The following NCKAP5 variants were observed in gnomAD, a reference collection of about 807,000 sequenced individuals.
NCKAP5 encodes the protein nck-associated protein 5.
A neutral mutation model predicts 167.0 loss-of-function variants in NCKAP5; 92 were observed. The ratio of observed to expected loss-of-function variants is 0.55; its 90% CI spans 0.47 to 0.66. The LOEUF (loss-of-function observed/expected upper bound fraction) is 0.66, where lower values mean the gene tolerates loss of function less well. Ranked by LOEUF, NCKAP5 falls within the 30% of genes least tolerant of loss-of-function variation. The pLI is 0.00. For synonymous variants in NCKAP5, 891 were observed against 877.4 expected (o/e 1.02, Z -0.27); for missense variants, 2,378 against 2,315.0 (o/e 1.03, Z -0.56).
intron 2 of NCKAP5, among the ~76,000 whole-genome samples, chr2:133,544,726 G>T (rs1323171458): frequency 1.3e-5 from 2 of 152,146 alleles, no homozygotes; most frequent in Non-Finnish European, 2.9e-5. Flanking sequence ...ATAGCTAAAG[G>T]TGCCCTTTCC....
chr2:133,478,361 G>A lies in NCKAP5; in HGVS notation c.69+39097C>T, dbSNP rs75570373. 5.9e-5 allele frequency among the ~76,000 whole-genome samples: 9 copies of A among 152,236 alleles called. No individual in the cohort carries two copies. In the East Asian group the frequency reaches 1.7e-3, roughly 29 times the overall value. On this transcript the variant is annotated intron_variant, in intron 3 of 19. Coordinates refer to ENST00000409261, the MANE Select transcript of NCKAP5 (RefSeq NM_207363.3). ...GAACTTCTTAAGGGCAATGATCTTT[G>A]TTTTCTTTGAAACTTCTTCCAACAG...
chr2:133,102,582 A>T (rs2081550964), intron 6 of NCKAP5, among the ~76,000 whole-genome samples: 1 of 152,166 alleles, frequency 6.6e-6, no homozygotes, highest in African/African-American at 2.4e-5. Context: ...TTTGTCCAAG[A>T]TCATTCCGCT....
chr2:133,605,441 T>G, the NCKAP5 span, among the ~76,000 whole-genome samples: 2,724 of 152,230 alleles, frequency 0.018, 90 homozygotes, highest in African/African-American at 0.061. Context: ...GGTGGGTTTC[T>G]GAGCAACTCC....
chr2:133,229,525 ATAAAG>A (rs1464625475), intron 4 of NCKAP5, among the ~76,000 whole-genome samples: 1 of 152,258 alleles, frequency 6.6e-6, no homozygotes, highest in Non-Finnish European at 1.5e-5. Flanking sequence ...ATGAACACTT[ATAAAG>A]TAATTACATT....
chr2:132,885,980 C>A (rs969046365), intron 8 of NCKAP5, among the ~76,000 whole-genome samples: 2 of 152,182 alleles, frequency 1.3e-5, no homozygotes, highest in African/African-American at 4.8e-5. Flanking sequence ...TTCTCCACAG[C>A]ACACACCATC....
chr2:132,739,090 A>T (rs1432333161), intron 16 of NCKAP5, among the ~76,000 whole-genome samples: 1 of 152,200 alleles, frequency 6.6e-6, no homozygotes. Flanking sequence ...CAAAGAAAAA[A>T]AGTTGATTTC....
chr2:133,579,296 G>A, the NCKAP5 span, among the ~76,000 whole-genome samples: 1 of 152,174 alleles, frequency 6.6e-6, no homozygotes, highest in Non-Finnish European at 1.5e-5. Context: ...AACTGTAATT[G>A]TATGTTAATG....
chr2:132,690,990 T>G (rs1686661893), intron 19 of NCKAP5, among the ~76,000 whole-genome samples: 1 of 152,220 alleles, frequency 6.6e-6, no homozygotes, highest in Admixed American at 6.5e-5. Context: ...TGCTAATTTC[T>G]AGATCATGAC....
rs369778197 is a variant in NCKAP5, at chr2:133,117,971, G to A, written c.341+12007C>T. On this transcript the variant is annotated intron_variant, in intron 6 of 19. Coordinates refer to ENST00000409261, the MANE Select transcript of NCKAP5 (RefSeq NM_207363.3). ...ACTGAGTTCCGGCAACATGCATTGT[G>A]AGTACCCATACCATCAGGTCTGTCT... 2.0e-5 allele frequency: 3 copies of A among 152,278 alleles called. No homozygotes were observed. In the East Asian group the frequency reaches 5.8e-4, roughly 29 times the overall value. 9.4% of individuals were successfully genotyped at this position (152,278 alleles called of 1,614,324 possible).
At chr2:133,118,812 G>C (rs1385166777) in intron 6 of NCKAP5, 6 of 152,068 alleles carry the variant, frequency 3.9e-5, no homozygotes, top group African/African-American at 1.2e-4. Flanking sequence ...TGTCATAAAT[G>C]CAATTATAAG....
At chr2:133,227,358 A>T (rs1359855365) in intron 4 of NCKAP5, among the ~76,000 whole-genome samples, 3 of 152,186 alleles carry the variant, frequency 2.0e-5, no homozygotes, top group Non-Finnish European at 2.9e-5. Context: ...CCAGTATAAG[A>T]TGCTACCTCA....
intron 3 of NCKAP5, among the ~76,000 whole-genome samples, chr2:133,402,597 T>C (rs1688172057): frequency 6.6e-6 from 1 of 152,110 alleles, no homozygotes; most frequent in African/African-American, 2.4e-5. Context: ...CATCAATGGC[T>C]TGGTGCTGTC....
At chr2:133,325,017 C>T (rs1257296299) in intron 3 of NCKAP5, among the ~76,000 whole-genome samples, 1 of 152,104 alleles carries the variant, frequency 6.6e-6, no homozygotes, top group African/African-American at 2.4e-5. Flanking sequence ...CTGCCAAGTA[C>T]TTTTAAAATG....
At chr2:133,286,957 T>C (rs1679186801) in intron 4 of NCKAP5, among the ~76,000 whole-genome samples, 1 of 152,192 alleles carries the variant, frequency 6.6e-6, no homozygotes, top group Non-Finnish European at 1.5e-5. Flanking sequence ...AGGTGTCTGA[T>C]CTCTTCCTAT....
At chr2:133,665,617 T>C in the NCKAP5 span, among the ~76,000 whole-genome samples, 1 of 152,232 alleles carries the variant, frequency 6.6e-6, no homozygotes, top group Admixed American at 6.5e-5. Context: ...ATTACCAAGA[T>C]GTGACACAGA....
intron 5 of NCKAP5, among the ~76,000 whole-genome samples, chr2:133,177,341 G>A (rs1455128618): frequency 6.6e-6 from 1 of 152,060 alleles, no homozygotes; most frequent in Non-Finnish European, 1.5e-5. Context: ...CAAAAGATGA[G>A]AGATTTAATC....
intron 11 of NCKAP5, among the ~76,000 whole-genome samples, chr2:132,819,210 T>C (rs1686519861): frequency 6.6e-6 from 1 of 152,188 alleles, no homozygotes; most frequent in African/African-American, 2.4e-5. Context: ...TTCCCACATG[T>C]GTGAACAGGA....
intron 6 of NCKAP5, among the ~76,000 whole-genome samples, chr2:133,061,626 TTAAC>T (rs2080005239): frequency 6.6e-6 from 1 of 152,182 alleles, no homozygotes; most frequent in Non-Finnish European, 1.5e-5. Flanking sequence ...GTTTTAAACA[TTAAC>T]TGAGGCAAGA....
chr2:132,909,582 A>C (rs1264001836), intron 8 of NCKAP5, among the ~76,000 whole-genome samples: 1 of 152,222 alleles, frequency 6.6e-6, no homozygotes, highest in Non-Finnish European at 1.5e-5. Context: ...AGTACTTGGA[A>C]TGTAATTTTC....
Sources: gnomAD v4.1 joint callset for allele counts (sites outside exome capture counted in the v4.1 genomes callset) on GRCh38, gnomAD v4.1.1 for gene constraint, MANE v1.5 for transcripts, NCBI Gene and HGNC (gene_info 2026-07-23, HGNC 2026-07-21) for gene names.